Variants in ZBTB8A observed in about 807,000 individuals in gnomAD.
The protein encoded by ZBTB8A is zinc finger and BTB domain containing 8A.
ZBTB8A carries 19 observed loss-of-function variants against 37.8 expected under a neutral mutation model. That is an observed-to-expected ratio of 0.50 (90% CI 0.35 to 0.74). ZBTB8A has a LOEUF of 0.74. Among genes scored for constraint, ZBTB8A ranks in the 30% least tolerant of loss-of-function variants. The pLI is 0.01. For missense variants in ZBTB8A, 394 were observed against 537.8 expected, an observed-to-expected ratio of 0.73 and a Z score of 2.65; for synonymous variants, 181 against 185.2, an observed-to-expected ratio of 0.98 and a Z score of 0.19.
intron 4 of ZBTB8A, among the ~76,000 whole-genome samples, chr1:32,596,755 A>T (rs1644535354): frequency 6.6e-6 from 1 of 152,212 alleles, no homozygotes; most frequent in African/African-American, 2.4e-5. Flanking sequence ...AAGACCTTGA[A>T]GTGGGGTATA....
At chr1:32,587,153 C>T (rs376219756) in intron 2 of ZBTB8A, among the ~76,000 whole-genome samples, 2 of 151,864 alleles carry the variant, frequency 1.3e-5, no homozygotes, top group African/African-American at 4.8e-5. Context: ...GTAGGAGAAT[C>T]GCTTGAACTC....
At chr1:32,540,972 T>C (rs915553283) in intron 1 of ZBTB8A, among the ~76,000 whole-genome samples, 1 of 152,250 alleles carries the variant, frequency 6.6e-6, no homozygotes. Flanking sequence ...CCTTATCTCC[T>C]AGCCCTGAAA....
intron 3 of ZBTB8A, among the ~76,000 whole-genome samples, chr1:32,594,420 G>GT (rs986448194): frequency 6.2e-4 from 91 of 146,724 alleles, no homozygotes; most frequent in Non-Finnish European, 6.2e-4. Flanking sequence ...ACTTTAAATA[G>GT]TTTTTTTTTT....
chr1:32,569,554 C>T (rs1644309441), intron 2 of ZBTB8A, among the ~76,000 whole-genome samples: 1 of 151,562 alleles, frequency 6.6e-6, no homozygotes. Context: ...TCACCATGCC[C>T]AGCTAATTTT....
At chr1:32,551,253 A>C (rs1557701897) in intron 1 of ZBTB8A, among the ~76,000 whole-genome samples, 1 of 151,514 alleles carries the variant, frequency 6.6e-6, no homozygotes, top group Non-Finnish European at 1.5e-5. Flanking sequence ...GGCAACATGG[A>C]AAAACCCTGT....
intron 2 of ZBTB8A, among the ~76,000 whole-genome samples, chr1:32,567,717 G>A (rs538266180): frequency 4.5e-4 from 65 of 145,844 alleles, no homozygotes; most frequent in African/African-American, 1.3e-3. Context: ...GCGTGAACCC[G>A]GGAGGCGGAG....
intron 2 of ZBTB8A, among the ~76,000 whole-genome samples, chr1:32,584,429 T>C (rs1490742230): frequency 1.3e-5 from 2 of 151,972 alleles, no homozygotes; most frequent in Non-Finnish European, 2.9e-5. Flanking sequence ...ATTTTTTAAG[T>C]TTTAGCAAAT....
intron 1 of ZBTB8A, among the ~76,000 whole-genome samples, chr1:32,542,963 C>T (rs929439449): frequency 5.3e-5 from 8 of 152,138 alleles, no homozygotes; most frequent in African/African-American, 1.9e-4. Flanking sequence ...CTGAAAATAA[C>T]TTAAACCTTT....
chr1:32,562,400 T>C (rs1156897471), intron 2 of ZBTB8A, among the ~76,000 whole-genome samples: 3 of 151,024 alleles, frequency 2.0e-5, no homozygotes, highest in African/African-American at 4.9e-5. Flanking sequence ...GCCTCCCGAG[T>C]AGCTGGGATT....
At chr1:32,558,394 C>T (rs901297672) in intron 2 of ZBTB8A, among the ~76,000 whole-genome samples, 2 of 151,708 alleles carry the variant, frequency 1.3e-5, no homozygotes, top group Non-Finnish European at 1.5e-5. Context: ...TAGATCTTCT[C>T]ATCACACAGT....
intron 2 of ZBTB8A, among the ~76,000 whole-genome samples, chr1:32,554,934 A>G (rs910482480): frequency 6.6e-6 from 1 of 152,208 alleles, no homozygotes; most frequent in African/African-American, 2.4e-5. Flanking sequence ...TTTAATTTGC[A>G]GAGAAGGATG....
Position 32,600,358 on chromosome 1 carries a change from T to G in ZBTB8A, c.1265T>G (p.Ile422Ser), listed in dbSNP as rs1330788396. The G allele has an allele frequency of 6.2e-7, 1 of 1,614,094 alleles. No individual in the cohort carries two copies. Among genetic ancestry groups the G allele is most frequent in the Admixed American group, 1.7e-5 (1 of 60,004 alleles). ...GAAGATGGGTCTGCTGATCTGGTCA[T>G]CCAACAGGTTGATGATAGTGAAGAA... ...IVEDGSADLVIQQVDDSEEEE... is the reference protein window; with the variant it reads ...IVEDGSADLVSQQVDDSEEEE... The change falls in exon 5 of 5, where the codon ATC becomes AGC. Residue 422 changes from isoleucine to serine, a missense_variant. By Grantham distance (142) the Ile-to-Ser change is moderately radical. Coordinates refer to ENST00000373510, the MANE Select transcript of ZBTB8A (RefSeq NM_001040441.3).
intron 2 of ZBTB8A, among the ~76,000 whole-genome samples, chr1:32,590,272 A>G (rs1387269359): frequency 2.0e-5 from 3 of 152,016 alleles, no homozygotes; most frequent in Non-Finnish European, 4.4e-5. Flanking sequence ...CACACCAAGC[A>G]GGTAAAGTAA....
intron 2 of ZBTB8A, among the ~76,000 whole-genome samples, chr1:32,575,226 CTTTTTTT>C (rs778765276): frequency 5.0e-5 from 5 of 100,992 alleles, no homozygotes; most frequent in Admixed American, 3.0e-4. Flanking sequence ...CTTTTCTTTC[CTTTTTTT>C]TTTTTTTTTT....
At chr1:32,547,199 C>T (rs762778321) in intron 1 of ZBTB8A, among the ~76,000 whole-genome samples, 2 of 151,424 alleles carry the variant, frequency 1.3e-5, no homozygotes, top group Non-Finnish European at 2.9e-5. Context: ...CTACCATGCC[C>T]GGCTGGGGGA....
intron 2 of ZBTB8A, among the ~76,000 whole-genome samples, chr1:32,586,387 C>G (rs1644449713): frequency 6.6e-6 from 1 of 152,116 alleles, no homozygotes; most frequent in Admixed American, 6.6e-5. Flanking sequence ...CATTAATTGA[C>G]TATCTGTTGT....
intron 2 of ZBTB8A, among the ~76,000 whole-genome samples, chr1:32,569,386 CTTTTTTTTTTT>C (rs563715372): frequency 1.2e-5 from 1 of 82,278 alleles, no homozygotes; most frequent in Non-Finnish European, 2.2e-5. Flanking sequence ...TTTTCCTTTC[CTTTTTTTTTTT>C]TTTTTTTTTT....
At chr1:32,594,021 G>A (rs141245265) in intron 3 of ZBTB8A, among the ~76,000 whole-genome samples, 82 of 151,922 alleles carry the variant, frequency 5.4e-4, no homozygotes, top group African/African-American at 1.7e-3. Context: ...GCAAAACCCC[G>A]TCTCCACTAA....
intron 2 of ZBTB8A, among the ~76,000 whole-genome samples, chr1:32,585,757 C>G (rs1570360467): frequency 6.6e-6 from 1 of 152,250 alleles, no homozygotes; most frequent in East Asian, 1.9e-4. Context: ...AATCCCAGCA[C>G]TTTGGGAGGC....
Sources: gnomAD v4.1 joint callset for allele counts (sites outside exome capture counted in the v4.1 genomes callset) on GRCh38, gnomAD v4.1.1 for gene constraint, MANE v1.5 for transcripts, NCBI Gene and HGNC (gene_info 2026-07-23, HGNC 2026-07-21) for gene names.